Variants in ZNF267 observed in about 807,000 individuals in gnomAD.
ZNF267 encodes the protein zinc finger (C2H2).
Under a neutral mutation model 71.6 loss-of-function variants are expected in ZNF267, and 61 were observed. That is an observed-to-expected ratio of 0.85 (90% CI 0.69 to 1.05). The LOEUF is 1.05. Ranked by LOEUF, ZNF267 falls within the 50% of genes least tolerant of loss-of-function variation. The pLI is 0.00. For synonymous variants in ZNF267, 288 were observed against 293.2 expected (o/e 0.98, Z 0.18); for missense variants, 852 against 870.0 (o/e 0.98, Z 0.26).
intron 3 of ZNF267, among the ~76,000 whole-genome samples, chr16:31,910,720 T>G (rs2084129308): frequency 6.6e-6 from 1 of 151,558 alleles, no homozygotes; most frequent in Admixed American, 6.6e-5. Flanking sequence ...TTTGTATTTT[T>G]TATTTGAATT....
In ZNF267 at chr16:31,916,157, A is replaced by G. The variant is rs2084175002; in HGVS notation, c.1908A>G (p.Glu636=). 3 of 1,614,214 alleles carry G rather than the reference A, an allele frequency of 1.9e-6. No homozygotes were observed. The highest frequency in any genetic ancestry group is 2.5e-6 in the Non-Finnish European group (3 of 1,180,032). The change falls in exon 4 of 4, where the codon GAA becomes GAG. Residue 636 remains glutamate (E), a synonymous_variant. Coordinates refer to ENST00000300870, the MANE Select transcript of ZNF267 (RefSeq NM_003414.6). ...GCCAGAGACCCTACAAATGTGAAGA[A>G]TGTGGCAAAGCCTTCAACTATAGGT... The part of the protein sequence containing the change: ...HTGQRPYKCE[E]CGKAFNYRSY...
chr16:31,914,351 G>A (rs763302951), intron 3 of ZNF267, 125 bp from the exon 4 acceptor site: 16 of 822,940 alleles, frequency 1.9e-5, no homozygotes, highest in South Asian at 4.9e-5. Context: ...GAGAAAACAC[G>A]GCCTCAGGTT....
chr16:31,908,640 A>T (rs2084110404), intron 3 of ZNF267, among the ~76,000 whole-genome samples: 2 of 150,906 alleles, frequency 1.3e-5, no homozygotes, highest in African/African-American at 4.9e-5. Flanking sequence ...ATGGATATCC[A>T]GTTTTTTTTT....
At chr16:31,885,809 A>G (rs986369428) in intron 3 of ZNF267, among the ~76,000 whole-genome samples, 5 of 152,236 alleles carry the variant, frequency 3.3e-5, no homozygotes, top group African/African-American at 1.2e-4. Context: ...CAAATCTAAG[A>G]AAATCTAATC....
Position 31,873,911 on chromosome 16 carries a change from T to C in ZNF267, c.-56T>C, listed in dbSNP as rs2083832190. On this transcript the variant is annotated 5_prime_UTR_variant, in exon 1 of 4. Coordinates refer to ENST00000300870, the MANE Select transcript of ZNF267 (RefSeq NM_003414.6). ...AACAGAACCTCTGTTGCTCTGCGAC[T>C]TGCAGGCACTGGGAGATTCGTAGCT... is the stretch of plus-strand genomic sequence containing the variant. The C allele has an allele frequency of 6.2e-7, 1 of 1,613,124 alleles. No homozygotes were observed. The highest frequency in any genetic ancestry group is 8.5e-7 in the Non-Finnish European group (1 of 1,179,252).
chr16:31,917,190 C>T lies in ZNF267; in HGVS notation c.*709C>T, dbSNP rs114634232. 75 of 151,820 alleles carry T rather than the reference C, an allele frequency of 4.9e-4. No homozygotes were observed. The highest frequency in any genetic ancestry group is 1.7e-3 in the African/African-American group (71 of 41,382). The allele number at this position is 151,820 out of a possible 1,614,324, so 9.4% of individuals were successfully genotyped here. A position where few individuals can be genotyped will look rare whatever the true frequency, so the allele number is the denominator to read the frequency against. ...ATCAGAACAATGTGAGGTCATTCTA[C>T]GTTAATATCATTAATATCAGCATTT... On this transcript the variant is annotated 3_prime_UTR_variant, in exon 4 of 4. Coordinates refer to ENST00000300870, the MANE Select transcript of ZNF267 (RefSeq NM_003414.6).
chr16:31,874,810 T>G (rs1419754941), intron 1 of ZNF267, among the ~76,000 whole-genome samples: 1 of 152,208 alleles, frequency 6.6e-6, no homozygotes, highest in African/African-American at 2.4e-5. Context: ...CCAGTCTAAC[T>G]GGGCTTGCAA....
chr16:31,879,648 A>G (rs2083876161), intron 1 of ZNF267, among the ~76,000 whole-genome samples: 1 of 152,218 alleles, frequency 6.6e-6, no homozygotes, highest in African/African-American at 2.4e-5. Context: ...CTGCAGGCAG[A>G]ATGGTCTTTC....
chr16:31,877,141 G>A (rs1319240061), intron 1 of ZNF267, among the ~76,000 whole-genome samples: 1 of 149,714 alleles, frequency 6.7e-6, no homozygotes, highest in Non-Finnish European at 1.5e-5. Context: ...CCCCCCACCC[G>A]ACAACTGGTT....
chr16:31,902,666 T>C (rs968570754), intron 3 of ZNF267, among the ~76,000 whole-genome samples: 2 of 152,252 alleles, frequency 1.3e-5, no homozygotes, highest in African/African-American at 2.4e-5. Flanking sequence ...TTGCTGAAGT[T>C]GCTTATCAGC....
intron 1 of ZNF267, among the ~76,000 whole-genome samples, chr16:31,875,945 T>G (rs941682028): frequency 2.0e-5 from 3 of 152,196 alleles, no homozygotes; most frequent in Non-Finnish European, 4.4e-5. Context: ...AGAATGAGTG[T>G]AGTAAGTTTC....
At position 31,914,574 on chromosome 16, in the gene ZNF267, G is replaced by A; in HGVS notation, c.325G>A (p.Glu109Lys). The part of the protein sequence containing the change: ...ISRRHGSCDL[E>K]NLHLRKRWKR... The stretch of plus-strand genomic sequence containing the variant: ...GAGGAGACATGGGAGCTGTGATCTT[G>A]AGAATTTACATTTAAGAAAAAGGTG... Residue 109 changes from glutamate to lysine, a missense_variant, in exon 4 of 4, where the codon GAG (glutamate) becomes AAG (lysine). By Grantham distance (56) the Glu-to-Lys change is moderately conservative (BLOSUM62 1). Transcript: ENST00000300870. The A allele has an allele frequency of 1.2e-6, 2 of 1,614,126 alleles. No individual in the cohort carries two copies. The highest frequency in any genetic ancestry group is 1.7e-6 in the Non-Finnish European group (2 of 1,180,014).
At position 31,915,926 on chromosome 16, in the gene ZNF267, T is replaced by G. The variant is rs749158015; in HGVS notation, c.1677T>G (p.Tyr559Ter). Residue 559 changes from tyrosine to a stop codon, truncating the protein, a stop_gained, in exon 4 of 4, where the codon TAT (tyrosine) becomes TAG (stop). Coordinates refer to ENST00000300870, the MANE Select transcript of ZNF267 (RefSeq NM_003414.6). LOFTEE classifies it high-confidence loss of function. The stretch of plus-strand genomic sequence containing the variant: ...AAGAATGTGGCAAAGCCTTTCCTTA[T>G]AGTTCACACCTTATTCGACATCATC... The part of the protein sequence containing the change: ...KCKECGKAFP[Y>*]SSHLIRHHRI... 6.2e-7 allele frequency: 1 copy of G among 1,613,968 alleles called. No individual in the cohort carries two copies. Among genetic ancestry groups the G allele is most frequent in the East Asian group, 2.2e-5 (1 of 44,874 alleles).
intron 3 of ZNF267, among the ~76,000 whole-genome samples, chr16:31,909,255 C>T (rs374704941): frequency 1.6e-4 from 25 of 151,642 alleles, no homozygotes; most frequent in Admixed American, 1.3e-3. Context: ...CCGCAGCCTC[C>T]CAAGTAGCTG....
chr16:31,890,466 A>G (rs8059500), intron 3 of ZNF267, among the ~76,000 whole-genome samples: 131,659 of 152,186 alleles, frequency 0.87, 58,991 homozygotes, highest in East Asian at 1. Flanking sequence ...TGTGGTTTCT[A>G]TTCTTTAAGT....
At chr16:31,892,782 A>G (rs995763552) in intron 3 of ZNF267, among the ~76,000 whole-genome samples, 9 of 152,282 alleles carry the variant, frequency 5.9e-5, no homozygotes, top group African/African-American at 1.9e-4. Context: ...CTGATGCAAG[A>G]GGTGGGCTCT....
chr16:31,917,039 T>A lies in ZNF267; in HGVS notation c.*558T>A, dbSNP rs559958882. On this transcript the variant is annotated 3_prime_UTR_variant, in exon 4 of 4. Transcript: ENST00000300870. ...GTATATTTCATAGATACTTCATTTG[T>A]ATTTACAGTATTTGAGGTTTTTGGA... The A allele has an allele frequency of 1.3e-5, 2 of 152,672 alleles. No individual in the cohort carries two copies. Among genetic ancestry groups the A allele is most frequent in the Non-Finnish European group, 2.9e-5 (2 of 68,370 alleles). The allele number at this position is 152,672 out of a possible 1,614,324, so 9.5% of individuals were successfully genotyped here.
At position 31,915,780 on chromosome 16, in the gene ZNF267, C is replaced by T. The variant is rs774745782; in HGVS notation, c.1531C>T (p.Arg511Trp). ...CCGTAGTTCTTGCCTTACTCAACATCGGAAAATTCATACTGGAGAAAATCT... is the reference window on the plus strand; with the variant it reads ...CCGTAGTTCTTGCCTTACTCAACATTGGAAAATTCATACTGGAGAAAATCT... ...FSRSSCLTQH[R>W]KIHTGENLYK... The change falls in exon 4 of 4, where the codon CGG (arginine) becomes TGG (tryptophan). Residue 511 changes from arginine (R) to tryptophan (W), a missense_variant. Transcript: ENST00000300870. The T allele has an allele frequency of 1.5e-5, 25 of 1,613,018 alleles. No homozygotes were observed. Among genetic ancestry groups the T allele is most frequent in the African/African-American group, 9.3e-5 (7 of 74,886 alleles).
chr16:31,877,363 C>T (rs11641727), intron 1 of ZNF267, among the ~76,000 whole-genome samples: 9,735 of 152,172 alleles, frequency 0.064, 567 homozygotes, highest in East Asian at 0.3. Context: ...GCTGTAAGAT[C>T]TTTGTGGATC....
Sources: gnomAD v4.1 joint callset for allele counts (sites outside exome capture counted in the v4.1 genomes callset) on GRCh38, gnomAD v4.1.1 for gene constraint, MANE v1.5 for transcripts, NCBI Gene and HGNC (gene_info 2026-07-23, HGNC 2026-07-21) for gene names.